Variants in RSF1 observed in about 807,000 individuals in gnomAD.
RSF1 encodes the protein remodeling and spacing factor 1, also known as HBV pX-associated protein 8.
Under a neutral mutation model 145.2 loss-of-function variants are expected in RSF1, and 13 were observed. The ratio of observed to expected loss-of-function variants is 0.09; its 90% confidence interval spans 0.06 to 0.14. RSF1 has a LOEUF of 0.14. Among genes scored for constraint, RSF1 ranks in the 10% least tolerant of loss-of-function variants. RSF1 has a pLI of 1.00. For synonymous variants in RSF1, 577 were observed against 592.6 expected (o/e 0.97, Z 0.38); for missense variants, 1,517 against 1,718.2 (o/e 0.88, Z 2.07).
the RSF1 span, chr11:77,842,355 A>C: frequency 1.1e-6 from 1 of 919,720 alleles, no homozygotes; most frequent in African/African-American, 1.7e-5. Flanking sequence ...AGAAGAAGTA[A>C]CAACCACGTA....
intron 5 of RSF1, among the ~76,000 whole-genome samples, chr11:77,704,913 G>A (rs1040333136): frequency 1.3e-5 from 2 of 152,088 alleles, no homozygotes; most frequent in Middle Eastern, 3.4e-3. Flanking sequence ...CACTACGCCC[G>A]GCTAATTTTG....
At chr11:77,713,226 A>G (rs1960727626) in intron 5 of RSF1, among the ~76,000 whole-genome samples, 1 of 152,130 alleles carries the variant, frequency 6.6e-6, no homozygotes, top group African/African-American at 2.4e-5. Flanking sequence ...CATTCACGAG[A>G]AGATTCCTAT....
At chr11:77,781,482 G>C (rs1336278914) in intron 1 of RSF1, among the ~76,000 whole-genome samples, 1 of 152,164 alleles carries the variant, frequency 6.6e-6, no homozygotes, top group African/African-American at 2.4e-5. Flanking sequence ...TATTTCTCTT[G>C]AGTAGACAGC....
At chr11:77,778,749 A>G (rs1406365141) in intron 1 of RSF1, among the ~76,000 whole-genome samples, 2 of 152,192 alleles carry the variant, frequency 1.3e-5, no homozygotes, top group Non-Finnish European at 2.9e-5. Flanking sequence ...ACTGTTGATC[A>G]TATCTTCCTT....
At position 77,676,768 on chromosome 11, in the gene RSF1, G is replaced by A. The variant is rs73506737; in HGVS notation, c.3341+24C>T. ...CTGTTCCTGCTGGTATCTAGGGATC[G>A]GGGCCTAGTAGGAGACCACACACCC... On this transcript the variant is annotated intron_variant, in intron 13 of 15. Transcript: ENST00000308488. 3.6e-4 allele frequency: 583 copies of A among 1,602,080 alleles called. 3 individuals are homozygous for A. In the African/African-American group the frequency reaches 6.3e-3, roughly 17 times the overall value.
intron 1 of RSF1, among the ~76,000 whole-genome samples, chr11:77,786,225 T>C (rs1948455452): frequency 6.6e-6 from 1 of 152,128 alleles, no homozygotes; most frequent in Admixed American, 6.6e-5. Flanking sequence ...TCCCATTAAT[T>C]TATCCCCACA....
intron 5 of RSF1, among the ~76,000 whole-genome samples, chr11:77,720,503 A>T (rs1960917986): frequency 6.6e-6 from 1 of 152,188 alleles, no homozygotes; most frequent in Non-Finnish European, 1.5e-5. Context: ...TGGATCTTAA[A>T]CTCCCATAAA....
In RSF1 at chr11:77,701,663, G is replaced by A. The variant is rs772226224; in HGVS notation, c.1566C>T (p.Ile522=). ...CCTCTATTTGTGCTTTTTGACTATG[G>A]ATCTCTAAGACTGATATTGAACTAT... ...DADSSISVLE[I]HSQKAQIEEP... Residue 522 remains isoleucine (I), a synonymous_variant, in exon 6 of 16, where the codon ATC becomes ATT. Coordinates refer to ENST00000308488, the MANE Select transcript of RSF1 (RefSeq NM_016578.4). 1.1e-5 allele frequency: 18 copies of A among 1,613,968 alleles called. No individual in the cohort carries two copies. The South Asian group carries it at 1.9e-4, about 17-fold the overall frequency.
intron 14 of RSF1, among the ~76,000 whole-genome samples, chr11:77,673,869 T>C (rs906752631): frequency 6.6e-6 from 1 of 152,096 alleles, no homozygotes; most frequent in Non-Finnish European, 1.5e-5. Context: ...AAACAACTAG[T>C]ATGTACTCTT....
At chr11:77,724,840 A>T (rs1362169431) in intron 5 of RSF1, among the ~76,000 whole-genome samples, 4 of 152,146 alleles carry the variant, frequency 2.6e-5, no homozygotes, top group Non-Finnish European at 5.9e-5. Flanking sequence ...TGGAGTGGTA[A>T]TGCTCACTCG....
At chr11:77,716,077 A>T (rs1312708317) in intron 5 of RSF1, among the ~76,000 whole-genome samples, 3 of 151,974 alleles carry the variant, frequency 2.0e-5, no homozygotes, top group Admixed American at 1.3e-4. Context: ...TTATCACCTA[A>T]CGCCTGTTAG....
the RSF1 span, among the ~76,000 whole-genome samples, chr11:77,864,807 C>T: frequency 6.6e-6 from 1 of 151,986 alleles, no homozygotes; most frequent in African/African-American, 2.4e-5. Context: ...AGAGAGACCT[C>T]GTTGCTACAG....
chr11:77,673,736 A>T (rs1418358836), intron 14 of RSF1, among the ~76,000 whole-genome samples: 2 of 152,240 alleles, frequency 1.3e-5, no homozygotes, highest in Admixed American at 6.5e-5. Context: ...CTTATTAATT[A>T]TAAGGAAAAA....
At chr11:77,756,441 T>G (rs1251731477) in intron 2 of RSF1, among the ~76,000 whole-genome samples, 1 of 152,088 alleles carries the variant, frequency 6.6e-6, no homozygotes, top group Non-Finnish European at 1.5e-5. Context: ...TGCCAAATAC[T>G]ATTTTAAGTA....
rs1959342475 is a variant in RSF1 at position 77,665,609 on chromosome 11, T to G, written c.*1308A>C. On this transcript the variant is annotated 3_prime_UTR_variant, in exon 16 of 16. Transcript: ENST00000308488. ...AAAGTGTTGAGATGTTTGAAATGGATGTCATGCCTATTAATTACATCGGCA... is the reference window on the plus strand; with the variant it reads ...AAAGTGTTGAGATGTTTGAAATGGAGGTCATGCCTATTAATTACATCGGCA... 1 of 152,214 alleles carries G rather than the reference T, an allele frequency of 6.6e-6. No individual in the cohort carries two copies. Among genetic ancestry groups the G allele is most frequent in the Non-Finnish European group, 1.5e-5 (1 of 68,040 alleles). 9.4% of individuals were successfully genotyped at this position (152,214 alleles called of 1,614,324 possible). A position where few individuals can be genotyped will look rare whatever the true frequency, so the allele number is the denominator to read the frequency against.
At chr11:77,718,584 G>A (rs1960871370) in intron 5 of RSF1, among the ~76,000 whole-genome samples, 1 of 152,140 alleles carries the variant, frequency 6.6e-6, no homozygotes, top group African/African-American at 2.4e-5. Context: ...AGCCTTTGGT[G>A]AGGTAATTAT....
At chr11:77,799,504 C>CA (rs34602419) in intron 1 of RSF1, among the ~76,000 whole-genome samples, 21,360 of 81,846 alleles carry the variant, frequency 0.26, 1,858 homozygotes, top group Admixed American at 0.34. Context: ...ACCCTGTCTC[C>CA]AAAAAAAAAA....
chr11:77,684,955 C>T, intron 10 of RSF1, 150 bp downstream of exon 10: 1 of 390,666 alleles, frequency 2.6e-6, no homozygotes. Flanking sequence ...CCATTGCACT[C>T]CAGTCTGGGC....
chr11:77,842,458 A>G, the RSF1 span: 3 of 1,606,138 alleles, frequency 1.9e-6, no homozygotes, highest in Non-Finnish European at 1.7e-6. Flanking sequence ...CTGATTTAGT[A>G]TATTTTTCTT....
Sources: gnomAD v4.1 joint callset for allele counts (sites outside exome capture counted in the v4.1 genomes callset) on GRCh38, gnomAD v4.1.1 for gene constraint, MANE v1.5 for transcripts, NCBI Gene and HGNC (gene_info 2026-07-23, HGNC 2026-07-21) for gene names.